The following ZDHHC11B variants were observed in gnomAD, a reference collection of about 807,000 sequenced individuals.
ZDHHC11B encodes the protein probable palmitoyltransferase ZDHHC11B.
In ZDHHC11B, 17 loss-of-function variants were observed where a neutral mutation model predicts 42.3. The ratio of observed to expected loss-of-function variants is 0.40; its 90% confidence interval spans 0.27 to 0.60. The LOEUF is 0.60. ZDHHC11B is among the 20% of genes least tolerant of loss of function. The probability of loss-of-function intolerance (pLI) is 0.41; values close to 1 mark genes in which losing one functional copy is unlikely to be tolerated. For missense variants in ZDHHC11B, 262 were observed against 463.2 expected (o/e 0.57, Z 3.99); for synonymous variants, 123 against 193.5 (o/e 0.64, Z 3.02).
chr5:723,577 G>A (rs1387245415), intron 12 of ZDHHC11B, among the ~76,000 whole-genome samples: 1 of 110,680 alleles, frequency 9.0e-6, no homozygotes, highest in Admixed American at 8.5e-5. Flanking sequence ...GGTCAGCCTG[G>A]GATGCCTCTG....
At chr5:718,431 T>C (rs1190133333) in intron 12 of ZDHHC11B, among the ~76,000 whole-genome samples, 2 of 151,738 alleles carry the variant, frequency 1.3e-5, no homozygotes, top group Non-Finnish European at 2.9e-5. Flanking sequence ...CCCAGCACTT[T>C]GGGAGGCTGA....
At position 759,709 on chromosome 5, in the gene ZDHHC11B, G is replaced by A. The variant is rs562991690; in HGVS notation, c.223-3565C>T. Among the ~76,000 whole-genome samples, 5 of 152,062 alleles carry A rather than the reference G, an allele frequency of 3.3e-5. No individual in the cohort carries two copies. In the East Asian group the frequency reaches 5.8e-4, roughly 18 times the overall value. On this transcript the variant is annotated intron_variant, in intron 4 of 13. Transcript: ENST00000508859. ...GGTTGGCCAAGCCTGGCACTCAAAC[G>A]TCCGCCTAACCTGGGGTCTTTATTC...
At chr5:767,852 A>G (rs1341337401) in intron 2 of ZDHHC11B, among the ~76,000 whole-genome samples, 1 of 27,128 alleles carries the variant, frequency 3.7e-5, no homozygotes, top group Non-Finnish European at 8.6e-5. Flanking sequence ...GATCCCAACC[A>G]ACACACACCG....
rs1743872572 is a variant in ZDHHC11B at position 739,163 on chromosome 5, C to T, written c.935+2431G>A. Among the ~76,000 whole-genome samples, 3 of 150,642 alleles carry T rather than the reference C, an allele frequency of 2.0e-5. 1 individual carries two copies. The highest frequency in any genetic ancestry group is 4.4e-5 in the Non-Finnish European group (3 of 67,860). ...TCTGTAATCCCAGTCCTTACAGAGGCTGGGGCAGGCAGATCACTTGAAGTC... is the reference window on the plus strand; with the variant it reads ...TCTGTAATCCCAGTCCTTACAGAGGTTGGGGCAGGCAGATCACTTGAAGTC... On this transcript the variant is annotated intron_variant, in intron 10 of 13. Transcript: ENST00000508859.
At chr5:732,436 C>A (rs550344032) in intron 11 of ZDHHC11B, 112 of 316,220 alleles carry the variant, frequency 3.5e-4, no homozygotes, top group African/African-American at 2.3e-3. Context: ...CTCCCATGAG[C>A]CCGTGTGCCA....
At chr5:741,388 T>C (rs1418969086) in intron 10 of ZDHHC11B, among the ~76,000 whole-genome samples, 1 of 148,358 alleles carries the variant, frequency 6.7e-6, no homozygotes, top group Non-Finnish European at 1.5e-5. Context: ...GAATGTAGTT[T>C]CTGCAAGTAA....
intron 13 of ZDHHC11B, among the ~76,000 whole-genome samples, chr5:715,908 C>T (rs1346838946): frequency 6.6e-6 from 1 of 151,372 alleles, no homozygotes; most frequent in Admixed American, 6.6e-5. Flanking sequence ...TCTGAGGATA[C>T]CAGGGCTTTT....
At chr5:759,626 G>A (rs906810077) in intron 4 of ZDHHC11B, among the ~76,000 whole-genome samples, 35 of 151,912 alleles carry the variant, frequency 2.3e-4, no homozygotes, top group Admixed American at 2.6e-4. Flanking sequence ...AAGAACAGAC[G>A]CGGGCACGCG....
intron 9 of ZDHHC11B, among the ~76,000 whole-genome samples, chr5:744,794 C>A (rs1744562400): frequency 6.7e-6 from 1 of 148,950 alleles, no homozygotes. Flanking sequence ...CTGTTTGAAC[C>A]CAGGAGGTGG....
chr5:746,756 C>T (rs560805535), intron 8 of ZDHHC11B, among the ~76,000 whole-genome samples: 2,026 of 149,362 alleles, frequency 0.014, 99 homozygotes, highest in African/African-American at 0.047. Flanking sequence ...GCCTGCAGCC[C>T]CCCACGTGCT....
intron 1 of ZDHHC11B, among the ~76,000 whole-genome samples, chr5:783,250 C>G (rs1736988045): frequency 6.6e-6 from 1 of 152,372 alleles, no homozygotes; most frequent in South Asian, 2.1e-4. Flanking sequence ...ACAGGCCCTC[C>G]GAGGATCACG....
chr5:769,426 C>T (rs1735781460), intron 1 of ZDHHC11B, among the ~76,000 whole-genome samples: 1 of 147,982 alleles, frequency 6.8e-6, no homozygotes, highest in Non-Finnish European at 1.5e-5. Flanking sequence ...AACGGTCCAT[C>T]CTCTTTAGGA....
Position 730,485 on chromosome 5 carries a change from A to T in ZDHHC11B, c.1024-17T>A, listed in dbSNP as rs762932439. 1.6e-5 allele frequency: 25 copies of T among 1,554,234 alleles called. No homozygotes were observed. The highest frequency in any genetic ancestry group is 1.7e-4 in the Middle Eastern group (1 of 5,968). On this transcript the variant is annotated splice_polypyrimidine_tract_variant and intron_variant, in intron 11 of 13. Coordinates refer to ENST00000508859, the MANE Select transcript of ZDHHC11B (RefSeq NM_001351303.2). ...ATCTGCTTCCTGTGGGGGGAAGGGA[A>T]GCAAAATTCTTAGGATGAACAAAGA...
At chr5:746,079 C>T (rs1367963223) in intron 8 of ZDHHC11B, among the ~76,000 whole-genome samples, 1 of 149,434 alleles carries the variant, frequency 6.7e-6, no homozygotes, top group African/African-American at 2.5e-5. Context: ...CCTGATACAC[C>T]CGTTTATCTA....
chr5:728,615 G>A (rs1418398078), intron 12 of ZDHHC11B, among the ~76,000 whole-genome samples: 1 of 151,974 alleles, frequency 6.6e-6, no homozygotes, highest in African/African-American at 2.4e-5. Context: ...ATTCAGGAAG[G>A]GAGGTGCAGA....
chr5:783,884 C>T (rs887118117), intron 1 of ZDHHC11B, among the ~76,000 whole-genome samples: 1 of 148,904 alleles, frequency 6.7e-6, no homozygotes, highest in African/African-American at 2.5e-5. Flanking sequence ...CAGCAGCCCC[C>T]CTAAACGCTT....
intron 12 of ZDHHC11B, among the ~76,000 whole-genome samples, chr5:724,034 C>G (rs1579251510): frequency 6.7e-6 from 1 of 148,940 alleles, no homozygotes; most frequent in Admixed American, 6.7e-5. Flanking sequence ...CCTCTCCTCT[C>G]TAGCTCCTCT....
chr5:720,592 G>C (rs1024948515), intron 12 of ZDHHC11B, among the ~76,000 whole-genome samples: 3 of 151,840 alleles, frequency 2.0e-5, no homozygotes, highest in Non-Finnish European at 2.9e-5. Flanking sequence ...AAGAAATAAA[G>C]AACATTGGTA....
chr5:725,858 C>A (rs1446459329), intron 12 of ZDHHC11B, among the ~76,000 whole-genome samples: 12 of 152,254 alleles, frequency 7.9e-5, no homozygotes, highest in Non-Finnish European at 1.3e-4. Context: ...GTATACTACA[C>A]AACAGACACC....
Sources: gnomAD v4.1 joint callset for allele counts (sites outside exome capture counted in the v4.1 genomes callset) on GRCh38, gnomAD v4.1.1 for gene constraint, MANE v1.5 for transcripts, NCBI Gene and HGNC (gene_info 2026-07-23, HGNC 2026-07-21) for gene names.